Variants in LRP1B observed in about 807,000 individuals in gnomAD.
LRP1B encodes low-density lipoprotein receptor-related protein 1B.
Under a neutral mutation model 556.6 loss-of-function variants are expected in LRP1B, and 217 were observed. That is an observed-to-expected ratio of 0.39 (90% confidence interval 0.35 to 0.44). The LOEUF is 0.44. Among genes scored for constraint, LRP1B ranks in the 20% least tolerant of loss-of-function variants. LRP1B has a pLI of 1.00. For synonymous variants in LRP1B, 2,047 were observed against 1,865.8 expected (o/e 1.10, Z -2.50); for missense variants, 5,053 against 5,620.8 (o/e 0.90, Z 3.23).
At chr2:141,775,210 T>G (rs1695025279) in intron 2 of LRP1B, among the ~76,000 whole-genome samples, 1 of 152,210 alleles carries the variant, frequency 6.6e-6, no homozygotes, top group Non-Finnish European at 1.5e-5. Flanking sequence ...AACTTTTCAT[T>G]GTCTTGGAGC....
At chr2:141,311,477 T>C (rs189239963) in intron 3 of LRP1B, among the ~76,000 whole-genome samples, 2 of 152,142 alleles carry the variant, frequency 1.3e-5, no homozygotes, top group Admixed American at 6.6e-5. Flanking sequence ...ATAGGCTGAA[T>C]AGTTGTTGCT....
At chr2:142,093,659 G>T (rs138110043) in intron 1 of LRP1B, among the ~76,000 whole-genome samples, 4 of 152,026 alleles carry the variant, frequency 2.6e-5, no homozygotes, top group East Asian at 3.9e-4. Flanking sequence ...GTGCATGTGC[G>T]TGGGTTTTAG....
chr2:140,494,693 T>C (rs977821721), intron 56 of LRP1B, among the ~76,000 whole-genome samples: 3 of 150,638 alleles, frequency 2.0e-5, no homozygotes, highest in East Asian at 3.9e-4. Flanking sequence ...GAATGAAAAA[T>C]TGAAAGGAGT....
At chr2:140,298,426 A>G (rs1297389908) in intron 83 of LRP1B, among the ~76,000 whole-genome samples, 1 of 152,202 alleles carries the variant, frequency 6.6e-6, no homozygotes, top group Non-Finnish European at 1.5e-5. Flanking sequence ...TAGATTACAC[A>G]TGTTATAAAT....
intron 58 of LRP1B, among the ~76,000 whole-genome samples, chr2:140,487,350 A>G (rs1486520392): frequency 6.6e-6 from 1 of 151,868 alleles, no homozygotes; most frequent in East Asian, 1.9e-4. Context: ...CACCCATCCC[A>G]TTTCCTAGGG....
At chr2:141,541,118 T>G (rs1574060506) in intron 2 of LRP1B, among the ~76,000 whole-genome samples, 1 of 152,052 alleles carries the variant, frequency 6.6e-6, no homozygotes, top group South Asian at 2.1e-4. Context: ...ACTTACTCCT[T>G]AATTATTAAA....
chr2:141,569,012 C>A (rs546831519), intron 2 of LRP1B, among the ~76,000 whole-genome samples: 1 of 150,774 alleles, frequency 6.6e-6, no homozygotes, highest in Non-Finnish European at 1.5e-5. Context: ...AGGTGATCTG[C>A]CTGCCTTAGC....
intron 41 of LRP1B, among the ~76,000 whole-genome samples, chr2:140,654,521 A>G (rs1684807443): frequency 6.6e-6 from 1 of 152,128 alleles, no homozygotes; most frequent in African/African-American, 2.4e-5. Context: ...CATCTTCTTA[A>G]GAAAAGAAAC....
chr2:141,955,781 C>A (rs1306408526), intron 1 of LRP1B, among the ~76,000 whole-genome samples: 2 of 152,084 alleles, frequency 1.3e-5, no homozygotes, highest in South Asian at 4.1e-4. Context: ...GTTTCAGTAG[C>A]CTGTCTCTGC....
chr2:141,031,581 C>CA (rs1388857926), intron 11 of LRP1B, among the ~76,000 whole-genome samples: 3 of 151,940 alleles, frequency 2.0e-5, no homozygotes, highest in South Asian at 2.1e-4. Flanking sequence ...GTATAGATTA[C>CA]AAAAAATAGT....
At chr2:140,419,362 A>G (rs1685336664) in intron 66 of LRP1B, among the ~76,000 whole-genome samples, 1 of 152,228 alleles carries the variant, frequency 6.6e-6, no homozygotes, top group African/African-American at 2.4e-5. Context: ...CAGATATTTC[A>G]GTAATAACCT....
At chr2:140,485,821 A>G (rs1330615645) in intron 58 of LRP1B, among the ~76,000 whole-genome samples, 1 of 149,080 alleles carries the variant, frequency 6.7e-6, no homozygotes, top group African/African-American at 2.5e-5. Flanking sequence ...TCCTCTTAAA[A>G]TTTGGGACAA....
At chr2:142,112,341 G>A (rs575052545) in intron 1 of LRP1B, among the ~76,000 whole-genome samples, 1 of 151,236 alleles carries the variant, frequency 6.6e-6, no homozygotes, top group South Asian at 2.1e-4. Flanking sequence ...AAATAGGGAG[G>A]GACTACAATT....
chr2:141,207,208 T>C (rs1019154683), intron 6 of LRP1B, among the ~76,000 whole-genome samples: 1 of 152,206 alleles, frequency 6.6e-6, no homozygotes, highest in Non-Finnish European at 1.5e-5. Flanking sequence ...CTGATTTAAG[T>C]GGTGAGGTTT....
intron 1 of LRP1B, among the ~76,000 whole-genome samples, chr2:142,105,988 A>G (rs1163435681): frequency 6.6e-6 from 1 of 152,126 alleles, no homozygotes; most frequent in Non-Finnish European, 1.5e-5. Flanking sequence ...ACGGCATTTA[A>G]CACCACAAAA....
intron 3 of LRP1B, among the ~76,000 whole-genome samples, chr2:141,375,736 C>A (rs1198898431): frequency 2.0e-5 from 3 of 152,154 alleles, no homozygotes; most frequent in African/African-American, 7.2e-5. Flanking sequence ...TAAGATAGGG[C>A]CCCTTCCAGG....
intron 1 of LRP1B, among the ~76,000 whole-genome samples, chr2:141,865,722 A>T (rs1447550233): frequency 1.3e-5 from 2 of 152,066 alleles, no homozygotes; most frequent in African/African-American, 4.8e-5. Context: ...TTACATATAA[A>T]CTCTTCCATT....
chr2:140,632,995 G>A lies in LRP1B; in HGVS notation c.6800-31356C>T, dbSNP rs1034390886. ...GGAGAATGGTGCTAACCTGGGAGGC[G>A]GAGCTTGCAGTGAGCCGAGATCATG... On this transcript the variant is annotated intron_variant, in intron 41 of 90. Coordinates refer to ENST00000389484, the MANE Select transcript of LRP1B (RefSeq NM_018557.3). Among the ~76,000 whole-genome samples the A allele has an allele frequency of 3.3e-5, 5 of 151,662 alleles. 1 individual carries two copies. The highest frequency in any genetic ancestry group is 2.9e-5 in the Non-Finnish European group (2 of 67,932).
chr2:140,295,471 A>G (rs896968711), intron 84 of LRP1B, among the ~76,000 whole-genome samples: 6 of 152,184 alleles, frequency 3.9e-5, no homozygotes, highest in African/African-American at 1.2e-4. Context: ...AGATAAGCCG[A>G]TGATTATAGC....
Sources: gnomAD v4.1 joint callset for allele counts (sites outside exome capture counted in the v4.1 genomes callset) on GRCh38, gnomAD v4.1.1 for gene constraint, MANE v1.5 for transcripts, NCBI Gene and HGNC (gene_info 2026-07-23, HGNC 2026-07-21) for gene names.